SLC4A4: variants seen among roughly 807,000 people sequenced by gnomAD.
The protein encoded by SLC4A4 is solute carrier family 4 member 4.
SLC4A4 carries 27 observed loss-of-function variants against 111.5 expected under a neutral mutation model. The ratio of observed to expected loss-of-function variants is 0.24; its 90% CI spans 0.18 to 0.33. The LOEUF is 0.33. Ranked by LOEUF, SLC4A4 falls within the 10% of genes least tolerant of loss-of-function variation. The probability of loss-of-function intolerance (pLI) is 1.00; values close to 1 mark genes in which losing one functional copy is unlikely to be tolerated. For synonymous variants in SLC4A4, 443 were observed against 463.4 expected, an observed-to-expected ratio of 0.96 and a Z score of 0.57; for missense variants, 909 against 1,315.5, an observed-to-expected ratio of 0.69 and a Z score of 4.78.
intron 1 of SLC4A4, among the ~76,000 whole-genome samples, chr4:71,189,747 A>C (rs1266860696): frequency 2.6e-5 from 4 of 152,224 alleles, no homozygotes; most frequent in Non-Finnish European, 5.9e-5. Flanking sequence ...AAGCGTCCTG[A>C]GAGACTCTGC....
At chr4:71,219,924 C>A (rs558749596) in intron 1 of SLC4A4, among the ~76,000 whole-genome samples, 1 of 152,300 alleles carries the variant, frequency 6.6e-6, no homozygotes, top group East Asian at 1.9e-4. Context: ...GGAGTCACTT[C>A]TCATGGATGA....
rs1312186692 is a variant in SLC4A4 at position 71,453,537 on chromosome 4, A to G, written c.1365A>G (p.Pro455=). The part of the protein sequence containing the change: ...GLIKDIKRKA[P]FFASDFYDAL... ...TTAAAGACATAAAGAGGAAAGCGCC[A>G]TTTTTTGCCAGTGATTTTTATGATG... The change falls in exon 12 of 26, where the codon CCA becomes CCG. Residue 455 remains proline (P), a synonymous_variant. Transcript: ENST00000264485. 6 of 1,613,806 alleles carry G rather than the reference A, an allele frequency of 3.7e-6. No homozygotes were observed. The highest frequency in any genetic ancestry group is 1.7e-5 in the Admixed American group (1 of 59,972).
chr4:71,108,643 G>C (rs1425868097), intron 2 of SLC4A4, among the ~76,000 whole-genome samples: 1 of 152,150 alleles, frequency 6.6e-6, no homozygotes, highest in Non-Finnish European at 1.5e-5. Flanking sequence ...CCTAGTTGGA[G>C]TTTGTTGAGC....
intron 2 of SLC4A4, among the ~76,000 whole-genome samples, chr4:71,118,017 C>T (rs1743318965): frequency 1.3e-5 from 2 of 151,990 alleles, no homozygotes; most frequent in African/African-American, 4.8e-5. Context: ...GCTGGGATTA[C>T]AGGCATGCGC....
At chr4:71,160,895 C>T (rs767766318) in intron 2 of SLC4A4, among the ~76,000 whole-genome samples, 46 of 152,114 alleles carry the variant, frequency 3.0e-4, no homozygotes, top group Middle Eastern at 3.4e-3. Context: ...AATGAGGCTT[C>T]GATAAGTTCT....
At chr4:71,182,553 G>A (rs767543784), upstream of SLC4A4, among the ~76,000 whole-genome samples, 7 of 152,136 alleles carry the variant, frequency 4.6e-5, no homozygotes, top group Admixed American at 1.3e-4. Flanking sequence ...AGCTGAATCC[G>A]CATGACTTGG....
intron 2 of SLC4A4, among the ~76,000 whole-genome samples, chr4:71,156,818 A>G (rs2148975412): frequency 6.6e-6 from 1 of 152,338 alleles, no homozygotes; most frequent in Non-Finnish European, 1.5e-5. Context: ...GCCTCGTTTC[A>G]ACAATGCTGA....
At chr4:71,277,448 T>C (rs1374516532) in intron 3 of SLC4A4, among the ~76,000 whole-genome samples, 1 of 152,176 alleles carries the variant, frequency 6.6e-6, no homozygotes, top group Non-Finnish European at 1.5e-5. Flanking sequence ...GTGAAATGTC[T>C]CTTTATATCT....
At chr4:71,541,042 C>G (rs559502613) in intron 18 of SLC4A4, among the ~76,000 whole-genome samples, 2 of 152,196 alleles carry the variant, frequency 1.3e-5, no homozygotes, top group East Asian at 3.9e-4. Flanking sequence ...ATCAGCATTT[C>G]TAGTCTCTGG....
At chr4:71,350,886 C>A (rs1207621623) in intron 5 of SLC4A4, among the ~76,000 whole-genome samples, 1 of 152,158 alleles carries the variant, frequency 6.6e-6, no homozygotes, top group Non-Finnish European at 1.5e-5. Flanking sequence ...GTGCAGCCAT[C>A]CCTACAGGTC....
chr4:71,536,933 CACATATATGTATATATGTGTGTATAT>C (rs1734557727), intron 18 of SLC4A4, among the ~76,000 whole-genome samples: 1 of 151,538 alleles, frequency 6.6e-6, no homozygotes, highest in Non-Finnish European at 1.5e-5. Flanking sequence ...AATATATACA[CACATATATGTATATATGTGTGTATAT>C]ACATATCCTT....
At chr4:71,492,587 A>G (rs1383406573) in intron 15 of SLC4A4, among the ~76,000 whole-genome samples, 1 of 151,990 alleles carries the variant, frequency 6.6e-6, no homozygotes, top group Non-Finnish European at 1.5e-5. Context: ...CACACAGGTG[A>G]GCATTCAGTA....
intron 7 of SLC4A4, among the ~76,000 whole-genome samples, chr4:71,412,404 A>G (rs1721439330): frequency 1.3e-5 from 2 of 152,350 alleles, no homozygotes; most frequent in Non-Finnish European, 1.5e-5. Flanking sequence ...AAGGCTCATG[A>G]AAGTTGCCTT....
rs56871925 is a variant in SLC4A4 at position 71,103,032 on chromosome 4, C to G, written c.-2+10240C>G. Among the ~76,000 whole-genome samples, 865 of 150,166 alleles carry G rather than the reference C, an allele frequency of 5.8e-3. 7 individuals carry two copies. Among genetic ancestry groups the G allele is most frequent in the Middle Eastern group, 0.021 (6 of 290 alleles). On this transcript the variant is annotated intron_variant, in intron 2 of 26. Coordinates refer to the SLC4A4 transcript ENST00000649996. Reference sequence around the variant, plus strand: ...TGCTGTATTCAGGAAACCCATCTCACGTGCAGAGACACACATAGGCTCAAA... The same window carrying G: ...TGCTGTATTCAGGAAACCCATCTCAGGTGCAGAGACACACATAGGCTCAAA...
intron 7 of SLC4A4, among the ~76,000 whole-genome samples, chr4:71,405,398 T>A (rs1720750542): frequency 6.6e-6 from 1 of 152,160 alleles, no homozygotes; most frequent in Non-Finnish European, 1.5e-5. Context: ...TTGATTTTTT[T>A]AAACTAACAA....
chr4:71,244,664 C>A (rs997564590), intron 2 of SLC4A4, among the ~76,000 whole-genome samples: 1 of 152,112 alleles, frequency 6.6e-6, no homozygotes, highest in Non-Finnish European at 1.5e-5. Flanking sequence ...GCTGTGACTG[C>A]AGAACACTTT....
chr4:71,200,713 G>C (rs1746209580), intron 1 of SLC4A4, among the ~76,000 whole-genome samples: 1 of 152,096 alleles, frequency 6.6e-6, no homozygotes, highest in African/African-American at 2.4e-5. Context: ...TGTAGATGAC[G>C]GGTTGATGGG....
chr4:71,076,649 T>C (rs1741838119), intron 1 of SLC4A4, among the ~76,000 whole-genome samples: 2 of 152,184 alleles, frequency 1.3e-5, no homozygotes, highest in Admixed American at 1.3e-4. Context: ...ATTTCTCATT[T>C]AACATTAAAA....
intron 3 of SLC4A4, among the ~76,000 whole-genome samples, chr4:71,272,173 T>C (rs1333924473): frequency 6.6e-6 from 1 of 152,240 alleles, no homozygotes; most frequent in African/African-American, 2.4e-5. Context: ...TATAGGTTGG[T>C]CTTCTGTAAA....
Sources: gnomAD v4.1 joint callset for allele counts (sites outside exome capture counted in the v4.1 genomes callset) on GRCh38, gnomAD v4.1.1 for gene constraint, MANE v1.5 for transcripts, NCBI Gene and HGNC (gene_info 2026-07-23, HGNC 2026-07-21) for gene names.